The following TFCP2 variants were observed in gnomAD, a reference collection of about 807,000 sequenced individuals.
The protein encoded by TFCP2 is transcription factor CP2, also known as alpha-globin transcription factor CP2.
Under a neutral mutation model 73.4 loss-of-function variants are expected in TFCP2, and 33 were observed. That is an observed-to-expected ratio of 0.45 (90% confidence interval 0.34 to 0.60). The LOEUF (loss-of-function observed/expected upper bound fraction) is 0.60, where lower values mean the gene tolerates loss of function less well. TFCP2 is among the 20% of genes least tolerant of loss of function. The pLI, the probability that TFCP2 is intolerant of heterozygous loss-of-function variation, is 0.01. For synonymous variants in TFCP2, 193 were observed against 211.6 expected (o/e 0.91, Z 0.76); for missense variants, 352 against 604.0 (o/e 0.58, Z 4.37).
At chr12:51,104,028 T>C in intron 9 of TFCP2, 127 bp downstream of exon 9, 2 of 1,017,588 alleles carry the variant, frequency 2.0e-6, no homozygotes, top group Non-Finnish European at 3.1e-6. Context: ...TAGTCAAAAT[T>C]CAATAAATGT....
At chr12:51,163,983 T>C (rs945544886) in intron 1 of TFCP2, among the ~76,000 whole-genome samples, 2 of 151,670 alleles carry the variant, frequency 1.3e-5, no homozygotes, top group African/African-American at 4.8e-5. Flanking sequence ...GGCAGGAGGA[T>C]CGCTTGAGGC....
At chr12:51,164,044 A>T (rs979485001) in intron 1 of TFCP2, among the ~76,000 whole-genome samples, 11 of 149,824 alleles carry the variant, frequency 7.3e-5, no homozygotes, top group African/African-American at 2.2e-4. Flanking sequence ...CTATGAAATT[A>T]AAAAAAAAAT....
Position 51,099,650 on chromosome 12 carries a change from C to T in TFCP2, c.1276+5G>A, listed in dbSNP as rs777668759. 6.2e-7 allele frequency: 1 copy of T among 1,614,140 alleles called. No homozygotes were observed. Among genetic ancestry groups the T allele is most frequent in the South Asian group, 1.1e-5 (1 of 91,084 alleles). The stretch of plus-strand genomic sequence containing the variant: ...ATCTGTCCTAGTGTGTCCAGAACAA[C>T]CTACCGAAGAAAGTACCATTTGAGT... On this transcript the variant is annotated splice_donor_5th_base_variant and intron_variant, in intron 12 of 14. Coordinates refer to ENST00000257915, the MANE Select transcript of TFCP2 (RefSeq NM_005653.5).
At chr12:51,129,385 C>T (rs1342246416) in intron 1 of TFCP2, among the ~76,000 whole-genome samples, 2 of 151,724 alleles carry the variant, frequency 1.3e-5, no homozygotes, top group African/African-American at 2.4e-5. Context: ...TTTTGGCAGG[C>T]GCCTGTAATC....
chr12:51,165,851 T>C (rs1034607720), intron 1 of TFCP2, among the ~76,000 whole-genome samples: 12 of 152,122 alleles, frequency 7.9e-5, no homozygotes, highest in Admixed American at 7.9e-4. Context: ...TAAAACGGCA[T>C]TTATGAAAAA....
At chr12:51,158,691 G>A (rs1941587931) in intron 1 of TFCP2, among the ~76,000 whole-genome samples, 1 of 151,524 alleles carries the variant, frequency 6.6e-6, no homozygotes, top group African/African-American at 2.4e-5. Flanking sequence ...GTCTCACCAT[G>A]TTAGCCAGGC....
chr12:51,141,918 A>C (rs978687059), intron 1 of TFCP2, among the ~76,000 whole-genome samples: 1 of 149,288 alleles, frequency 6.7e-6, no homozygotes, highest in Non-Finnish European at 1.5e-5. Flanking sequence ...AAAAAAAAAA[A>C]AAAAAACCAG....
At chr12:51,150,168 A>G (rs1391351205) in intron 1 of TFCP2, among the ~76,000 whole-genome samples, 1 of 152,184 alleles carries the variant, frequency 6.6e-6, no homozygotes, top group Admixed American at 6.5e-5. Context: ...CTGTAATCCC[A>G]GCACTTTGAG....
At position 51,156,045 on chromosome 12, in the gene TFCP2, CAAA is replaced by C. The variant is rs71712150; in HGVS notation, c.122+16253_122+16255del. 3.3e-4 allele frequency among the ~76,000 whole-genome samples: 48 copies of C among 146,530 alleles called. No individual in the cohort carries two copies. In the East Asian group the frequency reaches 3.5e-3, roughly 11 times the overall value. On this transcript the variant is annotated intron_variant, in intron 1 of 14. Transcript: ENST00000257915. Reference sequence around the variant, plus strand: ...TGATAGAGTGAGACTCTTTTTGTCTCAAAAAAAAAAAAAAAAAAAAAAAAAAGA... The same window carrying C: ...TGATAGAGTGAGACTCTTTTTGTCTCAAAAAAAAAAAAAAAAAAAAAAAGA...
At chr12:51,156,771 G>T (rs1941545647) in intron 1 of TFCP2, 1 of 152,090 alleles carries the variant, frequency 6.6e-6, no homozygotes, top group Admixed American at 6.6e-5. Flanking sequence ...TTTCTTAGTA[G>T]TTTAGTCTTG....
chr12:51,165,172 T>C (rs11169729), intron 1 of TFCP2, among the ~76,000 whole-genome samples: 25,678 of 152,024 alleles, frequency 0.17, 2,594 homozygotes, highest in South Asian at 0.27. Flanking sequence ...CTGGGCAACA[T>C]AGGGAGACTT....
intron 4 of TFCP2, among the ~76,000 whole-genome samples, chr12:51,112,866 CA>C (rs11362530): frequency 0.077 from 8,640 of 111,490 alleles, 412 homozygotes; most frequent in East Asian, 0.25. Context: ...GACTCTGTCT[CA>C]AAAAAAAAAA....
chr12:51,136,353 C>T (rs1236895102), intron 1 of TFCP2, among the ~76,000 whole-genome samples: 2 of 151,136 alleles, frequency 1.3e-5, no homozygotes, highest in South Asian at 2.1e-4. Flanking sequence ...CGGAGCATAA[C>T]ATCACTGTCA....
chr12:51,107,536 G>C (rs1479961455), intron 6 of TFCP2, among the ~76,000 whole-genome samples, 190 bp from the exon 7 acceptor site: 1 of 152,110 alleles, frequency 6.6e-6, no homozygotes, highest in East Asian at 1.9e-4. Flanking sequence ...AAAAGAATCA[G>C]ATCTATAGCT....
chr12:51,156,387 A>T (rs899634013), intron 1 of TFCP2, among the ~76,000 whole-genome samples: 3 of 152,050 alleles, frequency 2.0e-5, no homozygotes, highest in Admixed American at 6.6e-5. Context: ...TCTTGAGTAA[A>T]CTAATAGAGC....
intron 1 of TFCP2, 123 bp downstream of exon 1, chr12:51,172,173 GTCCCT>G: frequency 7.6e-7 from 1 of 1,322,822 alleles, no homozygotes; most frequent in Admixed American, 2.3e-5. Flanking sequence ...AAAAGAACAA[GTCCCT>G]TTTCCCCAAT....
chr12:51,172,174 T>C lies in TFCP2; in HGVS notation c.122+127A>G, dbSNP rs1161767646. 1.1e-5 allele frequency: 14 copies of C among 1,329,216 alleles called. No individual in the cohort carries two copies. The Admixed American group carries it at 3.2e-4, about 30-fold the overall frequency. 82.3% of individuals were successfully genotyped at this position (1,329,216 alleles called of 1,614,324 possible). A position where few individuals can be genotyped will look rare whatever the true frequency, so the allele number is the denominator to read the frequency against. ...CTACTCAAAGCGACAAAAGAACAAG[T>C]CCCTTTTCCCCAATCGTAAACAGCT... is the stretch of plus-strand genomic sequence containing the variant. On this transcript the variant is annotated intron_variant, in intron 1 of 14. Coordinates refer to ENST00000257915, the MANE Select transcript of TFCP2 (RefSeq NM_005653.5).
intron 1 of TFCP2, chr12:51,163,118 G>C (rs1941683322): frequency 6.6e-6 from 1 of 152,164 alleles, no homozygotes; most frequent in Non-Finnish European, 1.5e-5. Flanking sequence ...TGAGCAACAT[G>C]ATGAAACCCT....
intron 4 of TFCP2, 129 bp from the exon 5 acceptor site, chr12:51,111,112 T>C (rs1299296139): frequency 1.3e-4 from 2 of 16,000 alleles, no homozygotes; most frequent in African/African-American, 5.7e-4. Flanking sequence ...AATTTCTTTG[T>C]TTTTTTTTTT....
Sources: allele counts gnomAD v4.1 joint callset (sites outside exome capture counted in the v4.1 genomes callset), GRCh38; gene constraint gnomAD v4.1.1; transcripts MANE v1.5; gene names NCBI Gene and HGNC (gene_info 2026-07-23, HGNC 2026-07-21).